Variants in ALDH9A1 observed in about 807,000 individuals in gnomAD.
ALDH9A1 encodes aldehyde dehydrogenase 9 family member A1, also known as 4-trimethylaminobutyraldehyde dehydrogenase.
ALDH9A1 carries 42 observed loss-of-function variants against 56.6 expected under a neutral mutation model. The ratio of observed to expected loss-of-function variants is 0.74; its 90% CI spans 0.58 to 0.96. The LOEUF is 0.96. Among genes scored for constraint, ALDH9A1 ranks in the 40% least tolerant of loss-of-function variants. The pLI, the probability that ALDH9A1 is intolerant of heterozygous loss-of-function variation, is 0.00. For synonymous variants in ALDH9A1, 242 were observed against 236.0 expected (o/e 1.03, Z -0.23); for missense variants, 661 against 651.5 (o/e 1.01, Z -0.16).
At chr1:165,678,305 G>A (rs1184855181) in intron 6 of ALDH9A1, among the ~76,000 whole-genome samples, 1 of 152,210 alleles carries the variant, frequency 6.6e-6, no homozygotes, top group Non-Finnish European at 1.5e-5. Context: ...CTGCACTACC[G>A]TCTGGGGGAC....
chr1:165,686,488 G>T (rs1244457031), intron 2 of ALDH9A1, among the ~76,000 whole-genome samples: 1 of 147,294 alleles, frequency 6.8e-6, no homozygotes, highest in African/African-American at 2.5e-5. Context: ...CTGGGAAAAG[G>T]ACTACCCAAG....
chr1:165,673,403 T>A (rs1004758461), intron 6 of ALDH9A1, among the ~76,000 whole-genome samples: 1 of 152,172 alleles, frequency 6.6e-6, no homozygotes, highest in Non-Finnish European at 1.5e-5. Flanking sequence ...CATTCTTTAT[T>A]CCTTTACTTT....
intron 6 of ALDH9A1, chr1:165,671,709 C>T (rs1649186016): frequency 6.9e-6 from 3 of 436,062 alleles, no homozygotes; most frequent in Non-Finnish European, 1.3e-5. Flanking sequence ...GAATCATATA[C>T]AGCCTCTGCC....
chr1:165,681,887 G>GAATA (rs1184188687), intron 4 of ALDH9A1, among the ~76,000 whole-genome samples: 6 of 152,086 alleles, frequency 3.9e-5, no homozygotes, highest in African/African-American at 1.4e-4. Context: ...TAAAACCTGA[G>GAATA]AATATCTAGA....
In ALDH9A1 at chr1:165,669,358, A is replaced by G. The variant is rs769041796; in HGVS notation, c.1023T>C (p.Ile341=). ...EVVKQTQRIK[I]GDPLLEDTRM... Reference sequence around the variant, plus strand: ...TTGTATCTTCCAGAAGGGGATCTCCAATTTTAATCCTTTGGGTCTGTTTCA... The same window carrying G: ...TTGTATCTTCCAGAAGGGGATCTCCGATTTTAATCCTTTGGGTCTGTTTCA... Residue 341 remains isoleucine, a synonymous_variant, in exon 7 of 11, where the codon ATT becomes ATC. Transcript: ENST00000354775. 2.5e-6 allele frequency: 4 copies of G among 1,614,014 alleles called. No individual in the cohort carries two copies. The East Asian group carries it at 6.7e-5, about 27-fold the overall frequency.
intron 6 of ALDH9A1, among the ~76,000 whole-genome samples, chr1:165,677,108 C>T (rs2348731): frequency 0.015 from 2,349 of 152,294 alleles, 61 homozygotes; most frequent in African/African-American, 0.053. Flanking sequence ...CACGGTGGCA[C>T]ATGCCTGCAA....
At chr1:165,695,157 T>A (rs1167669224) in intron 2 of ALDH9A1, 95 bp downstream of exon 2, 1 of 1,357,620 alleles carries the variant, frequency 7.4e-7, no homozygotes, top group Non-Finnish European at 9.8e-7. Flanking sequence ...ATAAAAACGT[T>A]ACGGCCTAAT....
Position 165,669,261 on chromosome 1 carries a change from C to T in ALDH9A1, c.1119+1G>A, listed in dbSNP as rs976333756. 4 of 1,599,956 alleles carry T rather than the reference C, an allele frequency of 2.5e-6. No homozygotes were observed. In the African/African-American group the frequency reaches 5.4e-5, roughly 22 times the overall value. On this transcript the variant is annotated splice_donor_variant, in intron 7 of 10. Transcript: ENST00000354775. LOFTEE classifies it high-confidence loss of function. Reference sequence around the variant, plus strand: ...CCACCCTACTGCCAATTATTTCTTACCTGCTCCTTTGCCACTTTGACAAAC... The same window carrying T: ...CCACCCTACTGCCAATTATTTCTTATCTGCTCCTTTGCCACTTTGACAAAC...
At chr1:165,693,400 C>G (rs1328612856) in intron 2 of ALDH9A1, among the ~76,000 whole-genome samples, 4 of 152,082 alleles carry the variant, frequency 2.6e-5, no homozygotes, top group African/African-American at 9.7e-5. Context: ...AACAAGTGGG[C>G]AAAGGATATG....
intron 6 of ALDH9A1, among the ~76,000 whole-genome samples, chr1:165,677,802 G>C (rs1649411573): frequency 1.3e-5 from 2 of 149,078 alleles, no homozygotes; most frequent in African/African-American, 5.0e-5. Flanking sequence ...AGCTTGCAGT[G>C]AGCCGAGATC....
chr1:165,687,707 G>A (rs533319242), intron 2 of ALDH9A1, among the ~76,000 whole-genome samples: 2 of 152,286 alleles, frequency 1.3e-5, no homozygotes, highest in South Asian at 4.1e-4. Context: ...TGCTAGCCTG[G>A]CGGGGTGCAG....
intron 6 of ALDH9A1, among the ~76,000 whole-genome samples, chr1:165,678,187 A>T (rs1649429178): frequency 6.6e-6 from 1 of 152,048 alleles, no homozygotes; most frequent in Non-Finnish European, 1.5e-5. Context: ...TACAAAAATT[A>T]GCTGGGCATG....
At chr1:165,682,329 G>A in intron 3 of ALDH9A1, 88 bp from the exon 4 acceptor site, 2 of 1,420,148 alleles carry the variant, frequency 1.4e-6, no homozygotes, top group Non-Finnish European at 1.9e-6. Flanking sequence ...TTGTACTCCA[G>A]TCAACGCAGC....
At chr1:165,674,918 G>A (rs996792511) in intron 6 of ALDH9A1, among the ~76,000 whole-genome samples, 3 of 152,172 alleles carry the variant, frequency 2.0e-5, no homozygotes, top group Non-Finnish European at 4.4e-5. Context: ...CTCATGCCAG[G>A]CGTGGTGGCT....
Position 165,669,419 on chromosome 1 carries a change from T to C in ALDH9A1, c.962A>G (p.Gln321Arg). The C allele has an allele frequency of 6.2e-7, 1 of 1,613,818 alleles. No homozygotes were observed. The highest frequency in any genetic ancestry group is 2.2e-5 in the East Asian group (1 of 44,868). Residue 321 changes from glutamine to arginine, a missense_variant, in exon 7 of 11, where the codon CAG (glutamine) becomes CGG (arginine). Gln to Arg is a conservative substitution (Grantham distance 43). Coordinates refer to ENST00000354775, the MANE Select transcript of ALDH9A1 (RefSeq NM_000696.4). ...VCCNGTRVFVQKEILDKFTEE... is the reference protein window; with the variant it reads ...VCCNGTRVFVRKEILDKFTEE... The stretch of plus-strand genomic sequence containing the variant: ...TGTAAATTTATCAAGAATTTCTTTC[T>C]GCACAAATACTCTTGTGCCATTACA...
chr1:165,679,343 G>T, intron 6 of ALDH9A1, 99 bp downstream of exon 6: 2 of 1,374,200 alleles, frequency 1.5e-6, no homozygotes, highest in East Asian at 2.4e-5. Flanking sequence ...CAACTTTTCT[G>T]TAAGTCTGAA....
intron 2 of ALDH9A1, among the ~76,000 whole-genome samples, chr1:165,689,036 TAA>T (rs1319279840): frequency 6.6e-6 from 1 of 152,068 alleles, no homozygotes; most frequent in Non-Finnish European, 1.5e-5. Context: ...CCAGGATCAA[TAA>T]AAGTCATTTC....
chr1:165,662,869 C>A lies in ALDH9A1; in HGVS notation c.*181G>T, dbSNP rs909484982. Reference sequence around the variant, plus strand: ...TTTCTTGATTAGTATCTACAAGGCACTTAATGCACATTTTCAGTGAGGAAG... The same window carrying A: ...TTTCTTGATTAGTATCTACAAGGCAATTAATGCACATTTTCAGTGAGGAAG... On this transcript the variant is annotated 3_prime_UTR_variant, in exon 11 of 11. Transcript: ENST00000354775. 15 of 601,368 alleles carry A rather than the reference C, an allele frequency of 2.5e-5. No homozygotes were observed. The highest frequency in any genetic ancestry group is 3.9e-5 in the Non-Finnish European group (13 of 335,688). 37.3% of individuals were successfully genotyped at this position (601,368 alleles called of 1,614,324 possible).
chr1:165,663,163 G>T lies in ALDH9A1; in HGVS notation c.1463-19C>A, dbSNP rs747649888. The stretch of plus-strand genomic sequence containing the variant: ...CCAAATCCTGAAAGGAGGAGAAGGG[G>T]TCAGGTTGAGCCATCACTACAATAG... On this transcript the variant is annotated intron_variant, in intron 10 of 10. Coordinates refer to ENST00000354775, the MANE Select transcript of ALDH9A1 (RefSeq NM_000696.4). 3.3e-5 allele frequency: 53 copies of T among 1,597,436 alleles called. No homozygotes were observed. In the South Asian group the frequency reaches 3.5e-4, roughly 11 times the overall value.
Sources: gnomAD v4.1 joint callset for allele counts (sites outside exome capture counted in the v4.1 genomes callset) on GRCh38, gnomAD v4.1.1 for gene constraint, MANE v1.5 for transcripts, NCBI Gene and HGNC (gene_info 2026-07-23, HGNC 2026-07-21) for gene names.